The following STPG2 variants were observed in gnomAD, a reference collection of about 807,000 sequenced individuals.
STPG2 encodes sperm-tail PG-rich repeat-containing protein 2.
Under a neutral mutation model 54.2 loss-of-function variants are expected in STPG2, and 56 were observed. That is an observed-to-expected ratio of 1.03 (90% CI 0.83 to 1.29). The LOEUF is 1.29. Among genes scored for constraint, STPG2 ranks in the 50% most tolerant of loss-of-function variants. The pLI is 0.00. For synonymous variants in STPG2, 200 were observed against 181.8 expected (o/e 1.10, Z -0.81); for missense variants, 596 against 544.9 (o/e 1.09, Z -0.93).
chr4:97,459,011 T>G (rs181090681), intron 4 of STPG2, among the ~76,000 whole-genome samples: 10 of 152,280 alleles, frequency 6.6e-5, no homozygotes, highest in Non-Finnish European at 1.2e-4. Context: ...TAATGTTTTA[T>G]GGTTACAGAG....
At chr4:97,959,701 T>C (rs1415618434) in intron 7 of STPG2, among the ~76,000 whole-genome samples, 1 of 150,672 alleles carries the variant, frequency 6.6e-6, no homozygotes, top group Non-Finnish European at 1.5e-5. Flanking sequence ...GAAATGGTAA[T>C]AAAAACTTAC....
At chr4:97,693,406 A>T (rs1723443361) in intron 10 of STPG2, among the ~76,000 whole-genome samples, 1 of 152,174 alleles carries the variant, frequency 6.6e-6, no homozygotes, top group African/African-American at 2.4e-5. Flanking sequence ...CAGACAAAAC[A>T]AACCTTAAAG....
chr4:97,878,786 C>A (rs914211368), intron 8 of STPG2, among the ~76,000 whole-genome samples: 6 of 152,194 alleles, frequency 3.9e-5, no homozygotes, highest in Non-Finnish European at 5.9e-5. Flanking sequence ...CTCCTTATTA[C>A]TTATGCAAAT....
intron 5 of STPG2, among the ~76,000 whole-genome samples, chr4:98,021,712 G>A (rs1404545157): frequency 1.3e-5 from 2 of 151,784 alleles, no homozygotes; most frequent in African/African-American, 4.8e-5. Flanking sequence ...TGTATTGGGT[G>A]CATATATATT....
chr4:97,954,965 A>G (rs1045099598), intron 7 of STPG2, among the ~76,000 whole-genome samples: 11 of 152,180 alleles, frequency 7.2e-5, no homozygotes, highest in Non-Finnish European at 1.5e-4. Flanking sequence ...TGTGTTCAAT[A>G]AAACAGATGA....
At chr4:97,902,863 T>A (rs1476119275) in intron 8 of STPG2, among the ~76,000 whole-genome samples, 1 of 152,176 alleles carries the variant, frequency 6.6e-6, no homozygotes, top group Non-Finnish European at 1.5e-5. Flanking sequence ...ATTGCAGCAT[T>A]ATTCACAAGA....
intron 10 of STPG2, among the ~76,000 whole-genome samples, chr4:97,686,193 C>T (rs1723182423): frequency 6.6e-6 from 1 of 152,140 alleles, no homozygotes; most frequent in African/African-American, 2.4e-5. Flanking sequence ...TTTTCTTCTC[C>T]TTTCAAGATG....
At chr4:97,799,819 C>T (rs1370479142) in intron 9 of STPG2, among the ~76,000 whole-genome samples, 1 of 152,176 alleles carries the variant, frequency 6.6e-6, no homozygotes, top group Non-Finnish European at 1.5e-5. Context: ...TTCAGGTACA[C>T]CAGTCAGACA....
chr4:97,559,596 C>T (rs1345548206), intron 10 of STPG2, among the ~76,000 whole-genome samples: 1 of 152,066 alleles, frequency 6.6e-6, no homozygotes, highest in Non-Finnish European at 1.5e-5. Context: ...AATTAATTTC[C>T]AGGCTTTTTT....
At chr4:97,651,828 C>T (rs753698347) in intron 10 of STPG2, among the ~76,000 whole-genome samples, 8 of 151,922 alleles carry the variant, frequency 5.3e-5, no homozygotes, top group Non-Finnish European at 7.4e-5. Context: ...AACAAGTTCA[C>T]ATTATTTAAA....
chr4:97,731,426 C>T (rs1724791961), intron 9 of STPG2, among the ~76,000 whole-genome samples: 1 of 152,110 alleles, frequency 6.6e-6, no homozygotes, highest in Non-Finnish European at 1.5e-5. Context: ...TAGCCACGTG[C>T]CTCTTCTGTA....
chr4:97,916,390 T>C (rs761898462), intron 8 of STPG2: 2 of 152,618 alleles, frequency 1.3e-5, no homozygotes, highest in Middle Eastern at 3.1e-3. Context: ...GGATTTCCCC[T>C]GTATCACATG....
chr4:98,121,875 C>T (rs762315620), intron 3 of STPG2, among the ~76,000 whole-genome samples: 6 of 152,076 alleles, frequency 3.9e-5, no homozygotes, highest in Non-Finnish European at 7.4e-5. Context: ...GCGTGCATCA[C>T]CATGCCAAGC....
intron 9 of STPG2, among the ~76,000 whole-genome samples, chr4:97,731,870 C>CT (rs1724806947): frequency 6.6e-6 from 1 of 152,198 alleles, no homozygotes; most frequent in Non-Finnish European, 1.5e-5. Context: ...AGACCTGCAG[C>CT]TTTGTCCTTT....
chr4:97,867,383 T>C (rs1729830486), intron 8 of STPG2, among the ~76,000 whole-genome samples: 1 of 151,960 alleles, frequency 6.6e-6, no homozygotes, highest in African/African-American at 2.4e-5. Context: ...CCATGACCTC[T>C]TCAGATATAA....
At chr4:97,799,391 C>G (rs1467401272) in intron 9 of STPG2, among the ~76,000 whole-genome samples, 1 of 152,172 alleles carries the variant, frequency 6.6e-6, no homozygotes, top group Non-Finnish European at 1.5e-5. Context: ...GTGACAAAAT[C>G]TCTCAGCATT....
chr4:98,020,939 A>G (rs1464020955), intron 5 of STPG2, among the ~76,000 whole-genome samples: 4 of 151,938 alleles, frequency 2.6e-5, no homozygotes, highest in Non-Finnish European at 5.9e-5. Flanking sequence ...CTAGCAGTCT[A>G]TCAGTTTTGT....
chr4:97,726,091 A>C (rs934204371), intron 9 of STPG2, among the ~76,000 whole-genome samples: 14 of 151,934 alleles, frequency 9.2e-5, no homozygotes, highest in Non-Finnish European at 1.8e-4. Flanking sequence ...AATACAAATC[A>C]GGCCTAGAGA....
At chr4:97,537,489 G>C (rs1388840184) in intron 4 of STPG2, among the ~76,000 whole-genome samples, 2 of 152,194 alleles carry the variant, frequency 1.3e-5, no homozygotes, top group African/African-American at 2.4e-5. Flanking sequence ...CAGCAGCAAG[G>C]CTGGGGGAGG....
Sources: allele counts gnomAD v4.1 joint callset (sites outside exome capture counted in the v4.1 genomes callset), GRCh38; gene constraint gnomAD v4.1.1; transcripts MANE v1.5; gene names NCBI Gene and HGNC (gene_info 2026-07-23, HGNC 2026-07-21).